Variants in LYPD6 observed in about 807,000 individuals in gnomAD.
LYPD6 encodes the protein ly6/PLAUR domain-containing protein 6.
Under a neutral mutation model 22.7 loss-of-function variants are expected in LYPD6, and 15 were observed. The observed-to-expected ratio is 0.66, with a 90% CI of 0.44 to 1.02. The LOEUF is 1.02. Among genes scored for constraint, LYPD6 ranks in the 50% least tolerant of loss-of-function variants. The pLI is 0.00. For synonymous variants in LYPD6, 72 were observed against 77.5 expected (o/e 0.93, Z 0.37); for missense variants, 189 against 208.4 (o/e 0.91, Z 0.57).
intron 1 of LYPD6, among the ~76,000 whole-genome samples, chr2:149,433,161 T>C (rs1683354863): frequency 6.6e-6 from 1 of 152,218 alleles, no homozygotes; most frequent in Non-Finnish European, 1.5e-5. Flanking sequence ...ATTCAACTAC[T>C]TTAAGAATTT....
At chr2:149,369,610 GTTAGAA>G (rs1474755860) in intron 1 of LYPD6, among the ~76,000 whole-genome samples, 1 of 152,136 alleles carries the variant, frequency 6.6e-6, no homozygotes, top group African/African-American at 2.4e-5. Flanking sequence ...GAAGGATGTA[GTTAGAA>G]TCGTATCTAC....
intron 1 of LYPD6, among the ~76,000 whole-genome samples, chr2:149,427,650 A>C (rs2105139659): frequency 6.6e-6 from 1 of 152,362 alleles, no homozygotes; most frequent in East Asian, 1.9e-4. Flanking sequence ...GCATAATGAC[A>C]TTTTGGTCAA....
At chr2:149,443,605 A>G (rs547286957) in intron 2 of LYPD6, among the ~76,000 whole-genome samples, 41 of 152,344 alleles carry the variant, frequency 2.7e-4, no homozygotes, top group African/African-American at 9.1e-4. Flanking sequence ...TAAACTTGAT[A>G]GGGAAACTAT....
chr2:149,474,180 TCTC>T (rs1267340804), downstream of LYPD6: 2 of 152,058 alleles, frequency 1.3e-5, no homozygotes, highest in East Asian at 1.9e-4. Context: ...TGATTATTCT[TCTC>T]CTCCTCTTTT....
chr2:149,467,513 C>T (rs1031605642), intron 3 of LYPD6, among the ~76,000 whole-genome samples: 2 of 152,072 alleles, frequency 1.3e-5, no homozygotes, highest in South Asian at 4.1e-4. Flanking sequence ...AATTTTCTTA[C>T]GCTTTCTTCT....
At chr2:149,375,498 T>C (rs1187878220) in intron 1 of LYPD6, among the ~76,000 whole-genome samples, 1 of 152,234 alleles carries the variant, frequency 6.6e-6, no homozygotes, top group African/African-American at 2.4e-5. Flanking sequence ...CAAGTTCTTA[T>C]GTGTTCTTTG....
At chr2:149,478,583 C>A (rs928689990), downstream of LYPD6, among the ~76,000 whole-genome samples, 3 of 152,038 alleles carry the variant, frequency 2.0e-5, no homozygotes, top group Admixed American at 6.6e-5. Flanking sequence ...GCCACCACAC[C>A]TGGCTAACTT....
rs187662334 is a variant in LYPD6, at chr2:149,410,330, C to T, written c.-71-27308C>T. Among the ~76,000 whole-genome samples the T allele has an allele frequency of 4.0e-5, 6 of 151,748 alleles. No individual in the cohort carries two copies. In the East Asian group the frequency reaches 5.8e-4, roughly 15 times the overall value. ...CATGCTGGTGGTTTGTGCCAGTATA[C>T]GTGAATATTTGTATGTGTTTGTGAT... is the stretch of plus-strand genomic sequence containing the variant. On this transcript the variant is annotated intron_variant, in intron 1 of 4. Transcript: ENST00000334166.
downstream of LYPD6, among the ~76,000 whole-genome samples, chr2:149,476,901 G>T (rs570661692): frequency 2.0e-5 from 3 of 152,164 alleles, no homozygotes; most frequent in Non-Finnish European, 4.4e-5. Flanking sequence ...CATAAAGAAG[G>T]TCTGTGAACA....
intron 1 of LYPD6, among the ~76,000 whole-genome samples, chr2:149,388,166 T>TTC (rs545177273): frequency 1.0e-5 from 1 of 100,074 alleles, no homozygotes; most frequent in Non-Finnish European, 2.4e-5. Context: ...CTACCTTTCT[T>TTC]TCTCTCTCTC....
At chr2:149,438,746 C>T (rs1053713192) in intron 2 of LYPD6, among the ~76,000 whole-genome samples, 19 of 152,224 alleles carry the variant, frequency 1.2e-4, no homozygotes, top group African/African-American at 3.9e-4. Context: ...CTCCTTCAAT[C>T]CACGTGGTTG....
chr2:149,440,314 G>A (rs1020869674), intron 2 of LYPD6: 10 of 158,848 alleles, frequency 6.3e-5, no homozygotes, highest in African/African-American at 2.4e-4. Flanking sequence ...CTGTCACATC[G>A]AGGTGACCCT....
intron 1 of LYPD6, among the ~76,000 whole-genome samples, chr2:149,347,309 G>A (rs1159522533): frequency 3.3e-5 from 5 of 152,228 alleles, no homozygotes; most frequent in East Asian, 1.9e-4. Context: ...AAATACTGTC[G>A]CATCACATTG....
chr2:149,428,280 G>C (rs1683228476), intron 1 of LYPD6, among the ~76,000 whole-genome samples: 1 of 152,212 alleles, frequency 6.6e-6, no homozygotes, highest in South Asian at 2.1e-4. Flanking sequence ...AGAGTTCCTG[G>C]CTGCAAGGGA....
chr2:149,375,064 A>G (rs113231841), intron 1 of LYPD6, among the ~76,000 whole-genome samples: 2 of 152,158 alleles, frequency 1.3e-5, no homozygotes, highest in African/African-American at 4.8e-5. Flanking sequence ...GTTGTCCATG[A>G]TTCATCAGAA....
At position 149,434,210 on chromosome 2, in the gene LYPD6, T is replaced by C. The variant is rs142670233; in HGVS notation, c.-71-3428T>C. On this transcript the variant is annotated intron_variant, in intron 1 of 4. Transcript: ENST00000334166. ...AGCATGTTTGACAATTTAAACACAC[T>C]ATTAAAGGCAACAAAACAAAAATGG... Among the ~76,000 whole-genome samples, 1,418 of 152,244 alleles carry C rather than the reference T, an allele frequency of 9.3e-3. 27 individuals carry two copies. The highest frequency in any genetic ancestry group is 0.033 in the African/African-American group (1,361 of 41,536).
At chr2:149,417,755 G>C (rs1341755708) in intron 1 of LYPD6, among the ~76,000 whole-genome samples, 1 of 152,058 alleles carries the variant, frequency 6.6e-6, no homozygotes, top group Non-Finnish European at 1.5e-5. Context: ...AATTCATATT[G>C]AATTAATTTT....
chr2:149,390,020 C>T (rs1682274623), intron 1 of LYPD6, among the ~76,000 whole-genome samples: 1 of 152,168 alleles, frequency 6.6e-6, no homozygotes, highest in African/African-American at 2.4e-5. Context: ...TATGTGTAAG[C>T]ACATTGAACA....
intron 1 of LYPD6, among the ~76,000 whole-genome samples, chr2:149,346,344 G>A (rs1274887709): frequency 6.6e-6 from 1 of 152,108 alleles, no homozygotes; most frequent in African/African-American, 2.4e-5. Context: ...CTGTGCAATT[G>A]GTTCTGTACT....
Sources: allele counts gnomAD v4.1 joint callset (sites outside exome capture counted in the v4.1 genomes callset), GRCh38; gene constraint gnomAD v4.1.1; transcripts MANE v1.5; gene names NCBI Gene and HGNC (gene_info 2026-07-23, HGNC 2026-07-21).